RGS7: variants seen among roughly 807,000 people sequenced by gnomAD.
RGS7 encodes the protein regulator of G-protein signaling 7.
In RGS7, 27 loss-of-function variants were observed where a neutral mutation model predicts 81.1. That is an observed-to-expected ratio of 0.33 (90% CI 0.25 to 0.46). The LOEUF (loss-of-function observed/expected upper bound fraction) is 0.46. Ranked by LOEUF, RGS7 falls within the 20% of genes least tolerant of loss-of-function variation. The pLI is 1.00. For missense variants in RGS7, 396 were observed against 607.4 expected (o/e 0.65, Z 3.66); for synonymous variants, 208 against 207.7 (o/e 1.00, Z -0.01).
intron 4 of RGS7, among the ~76,000 whole-genome samples, chr1:240,970,903 C>CG (rs1558540004): frequency 6.6e-6 from 1 of 151,990 alleles, no homozygotes; most frequent in Admixed American, 6.6e-5. Context: ...TCCTTGAACC[C>CG]GGGGGGCAGA....
intron 3 of RGS7, among the ~76,000 whole-genome samples, chr1:241,028,566 G>C (rs1269402673): frequency 1.3e-5 from 2 of 152,140 alleles, no homozygotes; most frequent in Non-Finnish European, 2.9e-5. Flanking sequence ...GGAGAGCCAG[G>C]AGAGCACGGG....
intron 4 of RGS7, among the ~76,000 whole-genome samples, chr1:240,972,706 A>C (rs77260444): frequency 0.54 from 63,846 of 118,998 alleles, 14,419 homozygotes; most frequent in East Asian, 0.76. Flanking sequence ...TAAAAAAAAA[A>C]AAAACAAAAA....
chr1:240,969,019 T>A (rs960299818), intron 4 of RGS7, among the ~76,000 whole-genome samples: 2 of 152,206 alleles, frequency 1.3e-5, no homozygotes, highest in Admixed American at 6.5e-5. Context: ...CTTACACAAC[T>A]ATCTATGGCC....
chr1:241,162,390 G>A (rs2069795147), intron 2 of RGS7, among the ~76,000 whole-genome samples: 1 of 152,192 alleles, frequency 6.6e-6, no homozygotes, highest in Non-Finnish European at 1.5e-5. Context: ...CACTGCGCAC[G>A]CAGCCCCTTC....
intron 2 of RGS7, among the ~76,000 whole-genome samples, chr1:241,292,153 T>C (rs1268481633): frequency 6.6e-6 from 1 of 152,132 alleles, no homozygotes; most frequent in Non-Finnish European, 1.5e-5. Flanking sequence ...AACAATACCT[T>C]CTTCTGGAAT....
intron 2 of RGS7, among the ~76,000 whole-genome samples, chr1:241,160,125 A>AAAAAAAAAAAG (rs1553271928): frequency 1.4e-5 from 2 of 141,350 alleles, no homozygotes; most frequent in Non-Finnish European, 3.0e-5. Flanking sequence ...AAAAAAAAAA[A>AAAAAAAAAAAG]AAAAAGAAAA....
intron 3 of RGS7, among the ~76,000 whole-genome samples, chr1:241,072,548 C>G (rs1193448970): frequency 1.3e-5 from 2 of 152,158 alleles, no homozygotes; most frequent in African/African-American, 4.8e-5. Flanking sequence ...CCATTCAGCT[C>G]TAGTATGAAA....
chr1:241,078,323 G>A (rs1486678939), intron 3 of RGS7, among the ~76,000 whole-genome samples: 1 of 148,408 alleles, frequency 6.7e-6, no homozygotes, highest in African/African-American at 2.5e-5. Flanking sequence ...GTGTGTGTGT[G>A]TGTGTGTGTG....
chr1:240,951,025 A>C (rs975924713), intron 4 of RGS7, among the ~76,000 whole-genome samples: 2 of 151,842 alleles, frequency 1.3e-5, no homozygotes, highest in Admixed American at 6.6e-5. Flanking sequence ...AGGCTCAAGC[A>C]ATCCTCCCAA....
At chr1:240,919,807 GCTC>G in intron 6 of RGS7, 1 of 738,958 alleles carries the variant, frequency 1.4e-6, no homozygotes, top group Non-Finnish European at 2.5e-6. Context: ...AACATCAAGA[GCTC>G]CATGGGCTTT....
intron 3 of RGS7, among the ~76,000 whole-genome samples, chr1:241,027,528 C>T (rs1238503862): frequency 1.3e-5 from 2 of 151,956 alleles, no homozygotes; most frequent in Admixed American, 6.6e-5. Flanking sequence ...GCCCAGGGTG[C>T]GTGGTATATG....
intron 3 of RGS7, among the ~76,000 whole-genome samples, chr1:241,045,273 T>G (rs2060857440): frequency 6.6e-6 from 1 of 152,334 alleles, no homozygotes; most frequent in African/African-American, 2.4e-5. Flanking sequence ...GCTAGACTTT[T>G]TTTCTTTTAC....
At chr1:240,809,878 T>C (rs565448532) in intron 14 of RGS7, among the ~76,000 whole-genome samples, 11 of 152,286 alleles carry the variant, frequency 7.2e-5, no homozygotes, top group African/African-American at 2.4e-4. Context: ...ATGTATATAA[T>C]GTGTGTGTAT....
intron 6 of RGS7, among the ~76,000 whole-genome samples, chr1:240,926,641 A>G (rs1674485493): frequency 6.6e-6 from 1 of 152,078 alleles, no homozygotes; most frequent in African/African-American, 2.4e-5. Flanking sequence ...TTCTTACCAA[A>G]GCTCTCTTGA....
At chr1:241,003,834 C>T (rs547000513) in intron 3 of RGS7, among the ~76,000 whole-genome samples, 13 of 152,208 alleles carry the variant, frequency 8.5e-5, no homozygotes, top group African/African-American at 2.2e-4. Flanking sequence ...CTGCAACCTC[C>T]GCCTCCTGGG....
intron 6 of RGS7, chr1:240,920,125 T>A (rs1572765540): frequency 1.1e-6 from 1 of 914,486 alleles, no homozygotes; most frequent in African/African-American, 1.6e-5. Context: ...TATGACTCCG[T>A]GGATAAGACG....
chr1:241,184,963 A>G (rs1479682379), intron 2 of RGS7, among the ~76,000 whole-genome samples: 1 of 152,222 alleles, frequency 6.6e-6, no homozygotes, highest in Admixed American at 6.5e-5. Flanking sequence ...ATTCTTAAGC[A>G]GAATGAAGGC....
At chr1:241,186,510 C>T (rs1283478632) in intron 2 of RGS7, 4 of 305,320 alleles carry the variant, frequency 1.3e-5, no homozygotes, top group Non-Finnish European at 1.7e-5. Context: ...ATTTCCTAAC[C>T]ATATATATAT....
At chr1:240,897,309 C>A (rs1333369565) in intron 6 of RGS7, among the ~76,000 whole-genome samples, 1 of 152,162 alleles carries the variant, frequency 6.6e-6, no homozygotes, top group African/African-American at 2.4e-5. Context: ...CCAGAACTTC[C>A]AACACTATGT....
Sources: gnomAD v4.1 joint callset for allele counts (sites outside exome capture counted in the v4.1 genomes callset) on GRCh38, gnomAD v4.1.1 for gene constraint, MANE v1.5 for transcripts, NCBI Gene and HGNC (gene_info 2026-07-23, HGNC 2026-07-21) for gene names.